Variants in LARGE2 observed in about 807,000 individuals in gnomAD.
LARGE2 encodes LARGE xylosyl- and glucuronyltransferase 2.
LARGE2 carries 63 observed loss-of-function variants against 75.3 expected under a neutral mutation model. The ratio of observed to expected loss-of-function variants is 0.84; its 90% CI spans 0.68 to 1.03. The LOEUF (loss-of-function observed/expected upper bound fraction) is 1.03. Among genes scored for constraint, LARGE2 ranks in the 50% least tolerant of loss-of-function variants. LARGE2 has a pLI of 0.00. For missense variants in LARGE2, 925 were observed against 980.6 expected, an observed-to-expected ratio of 0.94 and a Z score of 0.76; for synonymous variants, 428 against 420.1, an observed-to-expected ratio of 1.02 and a Z score of -0.23.
chr11:45,927,547 A>G lies in LARGE2; in HGVS notation c.1558A>G (p.Ser520Gly), dbSNP rs1220049338. 16 of 1,614,100 alleles carry G rather than the reference A, an allele frequency of 9.9e-6. No individual in the cohort carries two copies. The highest frequency in any genetic ancestry group is 2.2e-5 in the South Asian group (2 of 91,082). The change falls in exon 11 of 14, where the codon AGT becomes GGT. Residue 520 changes from serine to glycine, a missense_variant. By Grantham distance (56) the Ser-to-Gly change is moderately conservative. Around this residue, in one of 3 missense-constraint regions of LARGE2, gnomAD observed 469 missense variants for 503.8 expected, o/e 0.93. Coordinates refer to ENST00000401752, the MANE Select transcript of LARGE2 (RefSeq NM_001300721.2). Reference sequence around the variant, plus strand: ...GGCCCTCACGCCTTACGTCTTCCTCAGTGACATTGACTTCCTGCCTGCCTA... The same window carrying G: ...GGCCCTCACGCCTTACGTCTTCCTCGGTGACATTGACTTCCTGCCTGCCTA... Reference protein sequence around the residue: ...AQALTPYVFLSDIDFLPAYSL... With the variant: ...AQALTPYVFLGDIDFLPAYSL...
intron 13 of LARGE2, 43 bp from the exon 14 acceptor site, chr11:45,928,587 C>A: frequency 6.3e-7 from 1 of 1,593,694 alleles, no homozygotes; most frequent in South Asian, 1.1e-5. Context: ...CCCCGCAGGC[C>A]AGGCAAGCCA....
At chr11:45,922,467 C>T (rs113350124), upstream of LARGE2, among the ~76,000 whole-genome samples, 788 of 152,188 alleles carry the variant, frequency 5.2e-3, 6 homozygotes, top group African/African-American at 0.018. Flanking sequence ...CCCGCTCCCC[C>T]AGCCCTCCCC....
intron 5 of LARGE2, 30 bp downstream of exon 5, chr11:45,924,707 C>A (rs1258781630): frequency 1.3e-6 from 2 of 1,581,424 alleles, no homozygotes; most frequent in African/African-American, 1.3e-5. Flanking sequence ...GCCTGGCCTG[C>A]CCAGGATCCC....
chr11:45,928,475 T>C, intron 13 of LARGE2, 103 bp downstream of exon 13: 1 of 1,533,028 alleles, frequency 6.5e-7, no homozygotes, highest in Non-Finnish European at 8.8e-7. Flanking sequence ...GCAACACTGT[T>C]AGAAATGTCC....
chr11:45,924,448 G>C (rs1282784555), intron 4 of LARGE2, 58 bp from the exon 5 acceptor site: 1 of 1,590,430 alleles, frequency 6.3e-7, no homozygotes, highest in Admixed American at 1.7e-5. Flanking sequence ...GCAAGCATGT[G>C]TTCTGGTGCT....
chr11:45,926,555 GC>G lies in LARGE2; in HGVS notation c.1123del (p.Leu375SerfsTer83). 6.2e-7 allele frequency: 1 copy of G among 1,614,096 alleles called. No homozygotes were observed. The highest frequency in any genetic ancestry group is 1.1e-5 in the South Asian group (1 of 91,086). On this transcript the variant is annotated frameshift_variant, in exon 9 of 14. Transcript: ENST00000401752. LOFTEE classifies it high-confidence loss of function. ...EYDGNLLRRE[L>X]FVCPSQPPPG... Reference sequence around the variant, plus strand: ...ACGATGGGAACCTGCTGCGGAGAGAGCTCTTTGTGTGCCCCAGCCAGCCCCC... The same window carrying G: ...ACGATGGGAACCTGCTGCGGAGAGAGTCTTTGTGTGCCCCAGCCAGCCCCC...
At chr11:45,926,663 G>A (rs766689934) in intron 9 of LARGE2, 48 bp from the exon 10 acceptor site, 13 of 1,611,958 alleles carry the variant, frequency 8.1e-6, no homozygotes, top group Non-Finnish European at 9.3e-6. Context: ...TCTGGGGGAT[G>A]TGTTGTTCTG....
rs2086989193 is a variant in LARGE2 at position 45,923,139 on chromosome 11, C to A, written c.257C>A (p.Pro86Gln). Reference sequence around the variant, plus strand: ...GACCACAACCGCTCCGACTGCGGCCCGCAGCCGCCGCCGCCGCCCAAGTGC... The same window carrying A: ...GACCACAACCGCTCCGACTGCGGCCAGCAGCCGCCGCCGCCGCCCAAGTGC... ...PGDHNRSDCG[P>Q]QPPPPPKCEL... The change falls in exon 2 of 14, where the codon CCG becomes CAG. Residue 86 changes from proline to glutamine, a missense_variant. By Grantham distance (76) the Pro-to-Gln change is moderately conservative. Around this residue, in one of 3 missense-constraint regions of LARGE2, gnomAD observed 453 missense variants for 460.2 expected, o/e 0.98. Transcript: ENST00000401752. 2 of 1,349,624 alleles carry A rather than the reference C, an allele frequency of 1.5e-6. No homozygotes were observed. Among genetic ancestry groups the A allele is most frequent in the South Asian group, 3.8e-5 (2 of 53,090 alleles). The allele number at this position is 1,349,624 out of a possible 1,614,324, so 83.6% of individuals were successfully genotyped here.
At chr11:45,922,643 G>C (rs2086957880), upstream of LARGE2, 1 of 329,354 alleles carries the variant, frequency 3.0e-6, no homozygotes, top group South Asian at 1.5e-4. Context: ...GGTCGGGGGC[G>C]GGACCGGCCC....
chr11:45,927,469 C>G lies in LARGE2; in HGVS notation c.1480C>G (p.Arg494Gly). The G allele has an allele frequency of 6.2e-7, 1 of 1,614,210 alleles. No homozygotes were observed. Among genetic ancestry groups the G allele is most frequent in the African/African-American group, 1.3e-5 (1 of 75,066 alleles). ...RQDVAYHVVY[R>G]EGPLYPVNQL... ...GGACGTGGCCTACCATGTGGTGTAC[C>G]GTGAGGGGCCCCTATACCCCGTCAA... The change falls in exon 11 of 14, where the codon CGT becomes GGT. Residue 494 changes from arginine (R) to glycine (G), a missense_variant. Physicochemically the swap from Arg to Gly is moderately radical, Grantham distance 125. Coordinates refer to ENST00000401752, the MANE Select transcript of LARGE2 (RefSeq NM_001300721.2).
Position 45,922,739 on chromosome 11 carries a change from T to A in LARGE2, c.-63+11T>A. On this transcript the variant is annotated intron_variant, in intron 1 of 13. Coordinates refer to ENST00000401752, the MANE Select transcript of LARGE2 (RefSeq NM_001300721.2). ...GAGCCGCTGGAGCAGGTGAGGGAGG[T>A]GGCTCGGCGCGAGCCGCACAACCCG... is the stretch of plus-strand genomic sequence containing the variant. 1 of 581,968 alleles carries A rather than the reference T, an allele frequency of 1.7e-6. No individual in the cohort carries two copies. The highest frequency in any genetic ancestry group is 2.5e-6 in the Non-Finnish European group (1 of 400,952). 36.1% of individuals were successfully genotyped at this position (581,968 alleles called of 1,614,324 possible).
rs780038212 is a variant in LARGE2, at chr11:45,928,842, C to A, written c.2163C>A (p.Gly721=). The A allele has an allele frequency of 4.2e-5, 68 of 1,612,996 alleles. No homozygotes were observed. In the South Asian group the frequency reaches 6.9e-4, roughly 16 times the overall value. Residue 721 remains glycine (G), a synonymous_variant, in exon 14 of 14, where the codon GGC becomes GGA. Coordinates refer to ENST00000401752, the MANE Select transcript of LARGE2 (RefSeq NM_001300721.2). ...ALQQPQSPAR[G] ...AGCAGCCCCAGAGCCCTGCCCGAGG[C>A]TGAGGCTGGGCCGGCGCTGCCCCTC...
rs781329272 is a variant in LARGE2 at position 45,927,399 on chromosome 11, G to C, written c.1410G>C (p.Gln470His). The C allele has an allele frequency of 5.0e-6, 8 of 1,614,058 alleles. No individual in the cohort carries two copies. Among genetic ancestry groups the C allele is most frequent in the Non-Finnish European group, 3.4e-6 (4 of 1,180,044 alleles). ...ACCTGACAGACGCAGAAGCTCAGCA[G>C]TTCCTGCATTTCGTCGAGGCCTCAC... ...ALYLTDAEAQQFLHFVEASPV... is the reference protein window; with the variant it reads ...ALYLTDAEAQHFLHFVEASPV... Residue 470 changes from glutamine (Q) to histidine (H), a missense_variant, in exon 11 of 14, where the codon CAG becomes CAC. This residue lies in a region of LARGE2 where 469 missense variants were observed against 503.8 expected (regional missense o/e 0.93). Transcript: ENST00000401752.
chr11:45,927,573 TTC>T lies in LARGE2; in HGVS notation c.1590_1591del (p.Tyr531ArgfsTer8), dbSNP rs1259269108. 2 of 1,613,800 alleles carry T rather than the reference TTC, an allele frequency of 1.2e-6. No individual in the cohort carries two copies. The highest frequency in any genetic ancestry group is 1.7e-6 in the Non-Finnish European group (2 of 1,179,986). On this transcript the variant is annotated frameshift_variant, in exon 11 of 14. Transcript: ENST00000401752. LOFTEE classifies it high-confidence loss of function. ...LSDIDFLPAY[S>X]LYDYLRASIE... ...GTGACATTGACTTCCTGCCTGCCTATTCTCTCTACGACTACCTCAGGTGGGCC... is the reference window on the plus strand; with the variant it reads ...GTGACATTGACTTCCTGCCTGCCTATTCTCTACGACTACCTCAGGTGGGCC...
At chr11:45,923,444 C>CT (rs33927614) in intron 2 of LARGE2, 29 bp from the exon 3 acceptor site, 38 of 1,468,350 alleles carry the variant, frequency 2.6e-5, no homozygotes, top group African/African-American at 4.9e-5. Flanking sequence ...AGAAGGGGGG[C>CT]TGCTGCCGAC....
In LARGE2 at chr11:45,926,267, C is replaced by T. The variant is rs752759325; in HGVS notation, c.928C>T (p.Arg310Cys). Residue 310 changes from arginine (R) to cysteine (C), a missense_variant, in exon 8 of 14, where the codon CGT becomes TGT. Physicochemically the swap from Arg to Cys is radical, Grantham distance 180. Transcript: ENST00000401752. ...VIKEHPGLVQ[R>C]LPCVWNVQLS... ...CAAGGAGCACCCGGGGCTAGTGCAG[C>T]GTCTGCCTTGTGTCTGGAATGTGCA... 2.1e-5 allele frequency: 34 copies of T among 1,614,076 alleles called. No individual in the cohort carries two copies. Among genetic ancestry groups the T allele is most frequent in the Admixed American group, 3.3e-5 (2 of 60,004 alleles).
At chr11:45,928,399 C>T (rs1304431334) in intron 13 of LARGE2, 27 bp downstream of exon 13, 3 of 1,605,886 alleles carry the variant, frequency 1.9e-6, no homozygotes, top group Non-Finnish European at 2.6e-6. Flanking sequence ...GCTGCCTCCA[C>T]CTTTGACTCG....
chr11:45,928,406 C>T (rs1323173445), intron 13 of LARGE2, 34 bp downstream of exon 13: 1 of 1,602,172 alleles, frequency 6.2e-7, no homozygotes, highest in Non-Finnish European at 8.5e-7. Flanking sequence ...CCACCTTTGA[C>T]TCGAGCACCT....
chr11:45,926,606 G>T lies in LARGE2; in HGVS notation c.1164+9G>T, dbSNP rs771984092. On this transcript the variant is annotated intron_variant, in intron 9 of 13. Coordinates refer to ENST00000401752, the MANE Select transcript of LARGE2 (RefSeq NM_001300721.2). ...CACCTGGTGCTGAGCAGGTGAGAAG[G>T]AGTCACCTTCCCCTGCCCCTCTCTG... 3.1e-6 allele frequency: 5 copies of T among 1,613,952 alleles called. No homozygotes were observed. Among genetic ancestry groups the T allele is most frequent in the Non-Finnish European group, 4.2e-6 (5 of 1,179,980 alleles).
Sources: gnomAD v4.1 joint callset for allele counts (sites outside exome capture counted in the v4.1 genomes callset) on GRCh38, gnomAD v4.1.1 for gene constraint, gnomAD v4.1.1 regional missense constraint, MANE v1.5 for transcripts, NCBI Gene and HGNC (gene_info 2026-07-23, HGNC 2026-07-21) for gene names.